The following CACNA1C variants were observed in gnomAD, a reference collection of about 807,000 sequenced individuals.
CACNA1C encodes the protein calcium voltage-gated channel subunit alpha1 C.
Under a neutral mutation model 229.0 loss-of-function variants are expected in CACNA1C, and 30 were observed. The observed-to-expected ratio is 0.13, with a 90% confidence interval of 0.10 to 0.18. The LOEUF (loss-of-function observed/expected upper bound fraction) is 0.18. Ranked by LOEUF, CACNA1C falls within the 10% of genes least tolerant of loss-of-function variation. The pLI is 1.00. For synonymous variants in CACNA1C, 1,114 were observed against 1,132.5 expected (o/e 0.98, Z 0.33); for missense variants, 1,658 against 2,845.0 (o/e 0.58, Z 9.49).
rs764829526 is a variant in CACNA1C, at chr12:2,403,175, T to G, written c.478-45801T>G. On this transcript the variant is annotated intron_variant, in intron 3 of 46. Transcript: ENST00000399655. The surrounding 1 kb of genome is among the most constrained non-coding windows in gnomAD (Gnocchi z 4.1). ...AACATTTCCTGGAGGTCAACCTGCT[T>G]TTAACAGCCTTCATTCTTTTCCAAC... Among the ~76,000 whole-genome samples, 6 of 152,184 alleles carry G rather than the reference T, an allele frequency of 3.9e-5. No homozygotes were observed. The highest frequency in any genetic ancestry group is 7.3e-5 in the Non-Finnish European group (5 of 68,034).
rs2047982061 is a variant in CACNA1C, at chr12:2,030,113, CAG to C, written c.139+58915_139+58916del. On this transcript the variant is annotated intron_variant, in intron 1 of 46. Coordinates refer to the CACNA1C transcript ENST00000682462. ...GCAACAATGTCATAACGCGGATTAC[CAG>C]AGCAATATGTCACAGTGTCATTTTG... Among the ~76,000 whole-genome samples the C allele has an allele frequency of 2.0e-5, 3 of 152,314 alleles. No individual in the cohort carries two copies. The South Asian group carries it at 6.2e-4, about 32-fold the overall frequency.
At chr12:2,098,601 T>C (rs2075226074) in intron 1 of CACNA1C, among the ~76,000 whole-genome samples, 2 of 152,338 alleles carry the variant, frequency 1.3e-5, no homozygotes, top group South Asian at 4.1e-4. Context: ...CAAGGATCTC[T>C]GGAATTCTGT....
rs192517652 is a variant in CACNA1C, at chr12:2,158,021, T to A, written c.477+37591T>A. On this transcript the variant is annotated intron_variant, in intron 3 of 46. Transcript: ENST00000399655. ...AGAAAGTAGGGCAAAAAATCAGAGA[T>A]GGAAATTAGGAGTAAAAAAAATATG... is the stretch of plus-strand genomic sequence containing the variant. Among the ~76,000 whole-genome samples, 179 of 151,820 alleles carry A rather than the reference T, an allele frequency of 1.2e-3. 1 individual carries two copies. The highest frequency in any genetic ancestry group is 4.3e-3 in the African/African-American group (176 of 41,366).
chr12:2,246,491 C>G (rs1188336131), intron 3 of CACNA1C, among the ~76,000 whole-genome samples: 1 of 152,278 alleles, frequency 6.6e-6, no homozygotes, highest in African/African-American at 2.4e-5. Flanking sequence ...GTAATAGCAG[C>G]TAACACTTAC....
rs2097836056 is a variant in CACNA1C, at chr12:2,695,683, A to G, written c.*4484A>G. ...CAGCCCCAGCTCCCTGTCCTCCCCAACACCTAGTGAGAAAGACGGTGCGTG... is the reference window on the plus strand; with the variant it reads ...CAGCCCCAGCTCCCTGTCCTCCCCAGCACCTAGTGAGAAAGACGGTGCGTG... On this transcript the variant is annotated 3_prime_UTR_variant, in exon 47 of 47. Transcript: ENST00000399655. 1 of 152,218 alleles carries G rather than the reference A, an allele frequency of 6.6e-6. No homozygotes were observed. Among genetic ancestry groups the G allele is most frequent in the Non-Finnish European group, 1.5e-5 (1 of 68,046 alleles). 9.4% of individuals were successfully genotyped at this position (152,218 alleles called of 1,614,324 possible).
rs150805312 is a variant in CACNA1C, at chr12:2,206,630, G to T, written c.477+86200G>T. Among the ~76,000 whole-genome samples the T allele has an allele frequency of 1.3e-5, 2 of 152,272 alleles. 1 individual carries two copies. Among genetic ancestry groups the T allele is most frequent in the African/African-American group, 4.8e-5 (2 of 41,548 alleles). ...ACTGTCCAATGAGTGTTTGTTCTTT[G>T]TTCCTTTTCTCTCTTGAATAGCCAG... On this transcript the variant is annotated intron_variant, in intron 3 of 46. Transcript: ENST00000399655.
chr12:2,619,878 T>C (rs2082413215), intron 29 of CACNA1C, among the ~76,000 whole-genome samples: 4 of 152,114 alleles, frequency 2.6e-5, no homozygotes, highest in Admixed American at 2.6e-4. Context: ...AAGGCCACAC[T>C]TGCCTGGGGC....
rs372161962 is a variant in CACNA1C at position 2,292,812 on chromosome 12, A to G, written c.478-156164A>G. ...AAGGTCCAAGTGGGGATGTGGCTGT[A>G]GTGTCTCTTCCTGCCTTTCTCCCAT... On this transcript the variant is annotated intron_variant, in intron 3 of 46. Coordinates refer to ENST00000399655, the MANE Select transcript of CACNA1C (RefSeq NM_000719.7). Among the ~76,000 whole-genome samples the G allele has an allele frequency of 1.7e-3, 253 of 152,264 alleles. 2 individuals are homozygous for G. The South Asian group carries it at 0.021, about 12-fold the overall frequency.
intron 1 of CACNA1C, among the ~76,000 whole-genome samples, chr12:2,012,516 C>T (rs2044619372): frequency 6.6e-6 from 1 of 152,164 alleles, no homozygotes; most frequent in African/African-American, 2.4e-5. Flanking sequence ...AGGCTTTTGG[C>T]CTGTATTATT....
intron 3 of CACNA1C, among the ~76,000 whole-genome samples, chr12:2,232,544 A>G (rs1051447215): frequency 6.6e-6 from 1 of 152,036 alleles, no homozygotes; most frequent in Non-Finnish European, 1.5e-5. Context: ...TAAAGCTGCT[A>G]TTTCCCCACT....
intron 1 of CACNA1C, among the ~76,000 whole-genome samples, chr12:2,021,333 T>G (rs1389310368): frequency 6.6e-6 from 1 of 152,162 alleles, no homozygotes; most frequent in East Asian, 1.9e-4. Flanking sequence ...TAGAGCACTA[T>G]AGTCAATTTG....
intron 13 of CACNA1C, among the ~76,000 whole-genome samples, chr12:2,568,082 G>T (rs993734434): frequency 2.6e-5 from 4 of 152,208 alleles, no homozygotes; most frequent in Non-Finnish European, 4.4e-5. Context: ...CCTTCAAGAA[G>T]AGGGTCAGGG....
chr12:2,260,709 G>T (rs1302497413), intron 3 of CACNA1C, among the ~76,000 whole-genome samples: 1 of 152,072 alleles, frequency 6.6e-6, no homozygotes, highest in Non-Finnish European at 1.5e-5. Context: ...CTTAGATTAG[G>T]CACTGTTTCT....
At chr12:2,122,217 T>C (rs1017798395) in intron 3 of CACNA1C, among the ~76,000 whole-genome samples, 1 of 152,144 alleles carries the variant, frequency 6.6e-6, no homozygotes, top group African/African-American at 2.4e-5. Context: ...CACAGAGTGA[T>C]GGAAGAATTC....
At chr12:2,540,713 G>A (rs1176327165) in intron 9 of CACNA1C, among the ~76,000 whole-genome samples, 2 of 152,180 alleles carry the variant, frequency 1.3e-5, no homozygotes, top group African/African-American at 2.4e-5. Context: ...ATGACGTAGG[G>A]CCCCATGCAC....
chr12:2,408,285 T>C (rs747089969), intron 3 of CACNA1C, among the ~76,000 whole-genome samples: 2 of 152,126 alleles, frequency 1.3e-5, no homozygotes, highest in Non-Finnish European at 2.9e-5. Flanking sequence ...AGAGTTTCAG[T>C]TTGGGAGGAT....
intron 3 of CACNA1C, among the ~76,000 whole-genome samples, chr12:2,218,129 A>G (rs1464450667): frequency 1.3e-5 from 2 of 152,144 alleles, no homozygotes; most frequent in Non-Finnish European, 2.9e-5. Flanking sequence ...AAGTGAACAC[A>G]TTGGGTTTTG....
intron 3 of CACNA1C, among the ~76,000 whole-genome samples, chr12:2,323,046 G>A (rs538469337): frequency 6.6e-6 from 1 of 152,134 alleles, no homozygotes; most frequent in Non-Finnish European, 1.5e-5. Context: ...TTACCTGCCT[G>A]TTCTCTGTGA....
At position 2,297,843 on chromosome 12, in the gene CACNA1C, A is replaced by C. The variant is rs114740240; in HGVS notation, c.478-151133A>C. ...TATATAGATGTGTTGCAGCTCTCCA[A>C]CCTTTACCAAAGAAACAAAAAAAAA... On this transcript the variant is annotated intron_variant, in intron 3 of 46. Coordinates refer to ENST00000399655, the MANE Select transcript of CACNA1C (RefSeq NM_000719.7). 8.9e-3 allele frequency among the ~76,000 whole-genome samples: 1,359 copies of C among 151,954 alleles called. 16 individuals carry two copies. The highest frequency in any genetic ancestry group is 0.031 in the African/African-American group (1,304 of 41,418).
Sources: gnomAD v4.1 joint callset for allele counts (sites outside exome capture counted in the v4.1 genomes callset) on GRCh38, gnomAD v4.1.1 for gene constraint, Gnocchi (gnomAD v3.1) non-coding constraint, MANE v1.5 for transcripts, NCBI Gene and HGNC (gene_info 2026-07-23, HGNC 2026-07-21) for gene names.